The following PALD1 variants were observed in gnomAD, a reference collection of about 807,000 sequenced individuals.
PALD1 encodes the protein phosphatase domain containing paladin 1, also known as paladin.
PALD1 carries 57 observed loss-of-function variants against 96.0 expected under a neutral mutation model. The ratio of observed to expected loss-of-function variants is 0.59; its 90% CI spans 0.48 to 0.74. The LOEUF is 0.74. Among genes scored for constraint, PALD1 ranks in the 30% least tolerant of loss-of-function variants. The pLI is 0.00. For synonymous variants in PALD1, 464 were observed against 473.6 expected, an observed-to-expected ratio of 0.98 and a Z score of 0.26; for missense variants, 1,063 against 1,143.7, an observed-to-expected ratio of 0.93 and a Z score of 1.02.
chr10:70,482,744 C>T (rs1441193622), intron 1 of PALD1, among the ~76,000 whole-genome samples: 1 of 152,176 alleles, frequency 6.6e-6, no homozygotes, highest in South Asian at 2.1e-4. Context: ...AGAAACTTAA[C>T]CTCTCTGTGC....
rs754153304 is a variant in PALD1, at chr10:70,539,083, T to C, written c.1570-9T>C. 1.2e-6 allele frequency: 2 copies of C among 1,613,800 alleles called. No homozygotes were observed. The highest frequency in any genetic ancestry group is 1.1e-5 in the South Asian group (1 of 91,066). On this transcript the variant is annotated splice_polypyrimidine_tract_variant and intron_variant, in intron 13 of 19. Transcript: ENST00000263563. The surrounding 1 kb of genome is among the most constrained non-coding windows in gnomAD (Gnocchi z 4.5). ...GCTGAGCACTCACTGCCGGCCCTCC[T>C]GTGCCCAGGCCCTGGGGAGCATCCT... is the stretch of plus-strand genomic sequence containing the variant.
rs1391927718 is a variant in PALD1, at chr10:70,479,079, T to TG, written c.-30+24dup. 1 of 152,218 alleles carries TG rather than the reference T, an allele frequency of 6.6e-6. No individual in the cohort carries two copies. 9.4% of individuals were successfully genotyped at this position (152,218 alleles called of 1,614,324 possible). ...TGGCAGGTACCGAAGTGTCCTGCCC[T>TG]GGGGCTGGCGAGGGGAGGGCAAATC... On this transcript the variant is annotated intron_variant, in intron 1 of 19. Transcript: ENST00000263563.
At chr10:70,524,567 G>T (rs1431418966) in intron 1 of PALD1, among the ~76,000 whole-genome samples, 1 of 152,142 alleles carries the variant, frequency 6.6e-6, no homozygotes, top group African/African-American at 2.4e-5. Flanking sequence ...AATAAAAATC[G>T]TCCATAATCT....
intron 1 of PALD1, among the ~76,000 whole-genome samples, chr10:70,496,521 T>G (rs1312625039): frequency 1.3e-5 from 2 of 152,198 alleles, no homozygotes; most frequent in Non-Finnish European, 2.9e-5. Flanking sequence ...TAACACAGTA[T>G]GAGCTGTTTT....
chr10:70,515,760 T>G (rs1385373456), intron 1 of PALD1, among the ~76,000 whole-genome samples: 1 of 152,092 alleles, frequency 6.6e-6, no homozygotes, highest in Non-Finnish European at 1.5e-5. Flanking sequence ...GGAAACAGTT[T>G]GGGGAAATCA....
intron 1 of PALD1, among the ~76,000 whole-genome samples, chr10:70,500,291 T>C (rs753031483): frequency 3.9e-5 from 6 of 152,120 alleles, no homozygotes; most frequent in Non-Finnish European, 8.8e-5. Context: ...CTCCACATGG[T>C]GCCTCCTCCC....
At chr10:70,508,309 T>C (rs1051464387) in intron 1 of PALD1, among the ~76,000 whole-genome samples, 7 of 152,138 alleles carry the variant, frequency 4.6e-5, no homozygotes, top group Admixed American at 3.9e-4. Context: ...TCGGCTTTCT[T>C]ATTATTTTTG....
rs1189774324 is a variant in PALD1, at chr10:70,530,023, AG to A, written c.426del (p.Phe143SerfsTer76). 2 of 1,577,496 alleles carry A rather than the reference AG, an allele frequency of 1.3e-6. No homozygotes were observed. The highest frequency in any genetic ancestry group is 1.8e-5 in the Admixed American group (1 of 54,388). The stretch of plus-strand genomic sequence containing the variant: ...TCGGCATGGGACAGCCCAGCCTCTC[AG>A]GGTTCAGGCGGGTCCTCCAGAAACT... ...VFGMGQPSLS[G>X]FRRVLQKLQK... On this transcript the variant is annotated frameshift_variant, in exon 4 of 20. Transcript: ENST00000263563. LOFTEE classifies it high-confidence loss of function.
At chr10:70,533,105 CT>C in intron 7 of PALD1, 35 bp downstream of exon 7, 1 of 1,533,418 alleles carries the variant, frequency 6.5e-7, no homozygotes, top group Non-Finnish European at 8.9e-7. Context: ...GGGGAGGAGT[CT>C]TGAGAGTCGT....
At chr10:70,508,655 C>T (rs1474926514) in intron 1 of PALD1, among the ~76,000 whole-genome samples, 3 of 152,194 alleles carry the variant, frequency 2.0e-5, no homozygotes, top group Non-Finnish European at 2.9e-5. Context: ...GGGCAGGTCT[C>T]CGGCCACCCG....
intron 1 of PALD1, among the ~76,000 whole-genome samples, chr10:70,525,567 C>T (rs1474158422): frequency 6.6e-6 from 1 of 152,132 alleles, no homozygotes; most frequent in African/African-American, 2.4e-5. Context: ...TGGCCTTTGT[C>T]TATACCACCT....
intron 19 of PALD1, among the ~76,000 whole-genome samples, chr10:70,566,256 C>T (rs1847849723): frequency 6.6e-6 from 1 of 152,206 alleles, no homozygotes; most frequent in South Asian, 2.1e-4. Flanking sequence ...TCCCTTTAGG[C>T]CCTGCTCCTG....
chr10:70,501,947 CAT>C, intron 1 of PALD1, among the ~76,000 whole-genome samples: 1 of 151,390 alleles, frequency 6.6e-6, no homozygotes, highest in African/African-American at 2.4e-5. Context: ...TTAAACTAGA[CAT>C]ATAGTAGATA....
intron 12 of PALD1, 57 bp from the exon 13 acceptor site, chr10:70,538,835 C>A: frequency 1.4e-6 from 2 of 1,477,556 alleles, no homozygotes; most frequent in Non-Finnish European, 1.9e-6. Context: ...AGGTCCTGAC[C>A]CTTTCTGCGG....
At chr10:70,505,602 CTCAAAACAAA>C (rs1377265302) in intron 1 of PALD1, among the ~76,000 whole-genome samples, 6 of 122,466 alleles carry the variant, frequency 4.9e-5, no homozygotes, top group South Asian at 3.0e-4. Flanking sequence ...GAAACTCTGT[CTCAAAACAAA>C]ACAAAACAAA....
chr10:70,489,953 C>A (rs576097758), intron 1 of PALD1, among the ~76,000 whole-genome samples: 1 of 151,306 alleles, frequency 6.6e-6, no homozygotes, highest in African/African-American at 2.4e-5. Flanking sequence ...GATGGAGTCT[C>A]GCTCTGTTGC....
At chr10:70,562,777 G>A (rs759129571) in intron 18 of PALD1, among the ~76,000 whole-genome samples, 1 of 151,776 alleles carries the variant, frequency 6.6e-6, no homozygotes, top group African/African-American at 2.4e-5. Flanking sequence ...TGCTGGGTGG[G>A]TGACATGTCT....
At chr10:70,541,337 G>A (rs1331789956) in intron 16 of PALD1, 95 bp downstream of exon 16, 15 of 1,528,038 alleles carry the variant, frequency 9.8e-6, no homozygotes, top group Non-Finnish European at 1.3e-5. Context: ...GGGTGTGAGG[G>A]GCAGAGACAG....
intron 17 of PALD1, among the ~76,000 whole-genome samples, chr10:70,545,867 A>T (rs1384660328): frequency 6.6e-6 from 1 of 152,078 alleles, no homozygotes. Context: ...CAGCCCTAGT[A>T]CGTGACAGCT....
Sources: gnomAD v4.1 joint callset for allele counts (sites outside exome capture counted in the v4.1 genomes callset) on GRCh38, gnomAD v4.1.1 for gene constraint, Gnocchi (gnomAD v3.1) non-coding constraint, MANE v1.5 for transcripts, NCBI Gene and HGNC (gene_info 2026-07-23, HGNC 2026-07-21) for gene names.